The following ABLIM2 variants were observed in gnomAD, a reference collection of about 807,000 sequenced individuals.
The protein encoded by ABLIM2 is actin binding LIM protein family member 2.
ABLIM2 carries 53 observed loss-of-function variants against 97.7 expected under a neutral mutation model. The ratio of observed to expected loss-of-function variants is 0.54; its 90% CI spans 0.44 to 0.68. The LOEUF (loss-of-function observed/expected upper bound fraction) is 0.68. Ranked by LOEUF, ABLIM2 falls within the 30% of genes least tolerant of loss-of-function variation. ABLIM2 has a pLI of 0.00. For missense variants in ABLIM2, 835 were observed against 867.2 expected (o/e 0.96, Z 0.47); for synonymous variants, 361 against 345.8 (o/e 1.04, Z -0.49).
rs1014766610 is a variant in ABLIM2, at chr4:8,130,907, G to A, written c.11-24270C>T. Among the ~76,000 whole-genome samples the A allele has an allele frequency of 2.0e-5, 3 of 151,948 alleles. No individual in the cohort carries two copies. The highest frequency in any genetic ancestry group is 3.9e-4 in the East Asian group (2 of 5,168). On this transcript the variant is annotated intron_variant, in intron 1 of 20. Coordinates refer to ENST00000447017, the MANE Select transcript of ABLIM2 (RefSeq NM_001130083.2). The surrounding 1 kb of genome is among the most constrained non-coding windows in gnomAD (Gnocchi z 4.2). The stretch of plus-strand genomic sequence containing the variant: ...GGCCTGCATTTCCTGACTTGTGGAC[G>A]GCAAGGTGGCCCCAGGGCTGAGCTC...
chr4:8,008,691 A>T (rs973536748), intron 15 of ABLIM2, among the ~76,000 whole-genome samples: 1 of 152,248 alleles, frequency 6.6e-6, no homozygotes, highest in East Asian at 1.9e-4. Context: ...GGTTCAGCCC[A>T]CAAAGCCAAA....
chr4:8,107,572 C>G (rs936027734), intron 1 of ABLIM2, among the ~76,000 whole-genome samples: 4 of 152,288 alleles, frequency 2.6e-5, no homozygotes, highest in African/African-American at 9.6e-5. Context: ...GCTGCCCGGA[C>G]AAGTGGAGGC....
chr4:8,058,717 C>T lies in ABLIM2; in HGVS notation c.763+2250G>A, dbSNP rs541377528. On this transcript the variant is annotated intron_variant, in intron 7 of 20. Coordinates refer to ENST00000447017, the MANE Select transcript of ABLIM2 (RefSeq NM_001130083.2). The surrounding 1 kb of genome is among the most constrained non-coding windows in gnomAD (Gnocchi z 4.2). ...ACCCTCTTCTCAATTAGGCCTCGAA[C>T]TTTGCCCAGGTCTCCACCATCACCC... Among the ~76,000 whole-genome samples the T allele has an allele frequency of 6.6e-5, 10 of 152,200 alleles. No individual in the cohort carries two copies. Among genetic ancestry groups the T allele is most frequent in the Non-Finnish European group, 1.5e-4 (10 of 68,030 alleles).
intron 2 of ABLIM2, among the ~76,000 whole-genome samples, chr4:8,102,766 CT>C (rs1221689066): frequency 6.6e-6 from 1 of 152,234 alleles, no homozygotes; most frequent in Non-Finnish European, 1.5e-5. Context: ...ATTGTCTTCC[CT>C]GCTAACAGAT....
intron 10 of ABLIM2, among the ~76,000 whole-genome samples, chr4:8,035,699 G>A (rs923928872): frequency 1.3e-5 from 2 of 152,232 alleles, no homozygotes; most frequent in African/African-American, 4.8e-5. Context: ...CAACCAGGTC[G>A]GTTACATTGG....
intron 2 of ABLIM2, among the ~76,000 whole-genome samples, chr4:8,099,444 C>T (rs938244587): frequency 1.2e-4 from 18 of 152,296 alleles, no homozygotes; most frequent in Admixed American, 5.2e-4. Context: ...AGTCCACTCC[C>T]GGGAGCACCA....
At chr4:8,078,022 C>T (rs1356081998) in intron 5 of ABLIM2, among the ~76,000 whole-genome samples, 1 of 152,208 alleles carries the variant, frequency 6.6e-6, no homozygotes, top group African/African-American at 2.4e-5. Flanking sequence ...AGAGCTGCTT[C>T]TGTAGACCTG....
chr4:8,014,588 A>G (rs1560619858), intron 14 of ABLIM2, among the ~76,000 whole-genome samples: 3 of 152,222 alleles, frequency 2.0e-5, no homozygotes, highest in Non-Finnish European at 4.4e-5. Context: ...GCCGTGGGCA[A>G]ATCCGCTAGA....
In ABLIM2 at chr4:7,965,471, G is replaced by A. The variant is rs1196717350; in HGVS notation, c.*1519C>T. 1 of 152,616 alleles carries A rather than the reference G, an allele frequency of 6.6e-6. No individual in the cohort carries two copies. The highest frequency in any genetic ancestry group is 2.4e-5 in the African/African-American group (1 of 41,448). 9.5% of individuals were successfully genotyped at this position (152,616 alleles called of 1,614,324 possible). On this transcript the variant is annotated 3_prime_UTR_variant, in exon 21 of 21. Transcript: ENST00000447017. Reference sequence around the variant, plus strand: ...AGGTGCTAAAAACTCCCCCTCCCTAGCCGAGCTGGGCGGGTGAGAAGCCGA... The same window carrying A: ...AGGTGCTAAAAACTCCCCCTCCCTAACCGAGCTGGGCGGGTGAGAAGCCGA...
At position 8,003,409 on chromosome 4, in the gene ABLIM2, G is replaced by C. The variant is rs567544902; in HGVS notation, c.1618+4650C>G. ...GTGTGTGGATACTGGAGGGTGTGTG[G>C]GTACTGAGGTTCGCTTTCTACCCAA... On this transcript the variant is annotated intron_variant, in intron 16 of 20. Coordinates refer to ENST00000447017, the MANE Select transcript of ABLIM2 (RefSeq NM_001130083.2). This position sits in a 1 kb window ranked among gnomAD's most constrained non-coding sequence, Gnocchi z 4.2. Among the ~76,000 whole-genome samples the C allele has an allele frequency of 2.0e-5, 3 of 152,188 alleles. No individual in the cohort carries two copies. Among genetic ancestry groups the C allele is most frequent in the African/African-American group, 7.2e-5 (3 of 41,528 alleles).
Position 7,991,553 on chromosome 4 carries a change from C to A in ABLIM2, c.1680+1313G>T, listed in dbSNP as rs1442803596. 2.6e-5 allele frequency among the ~76,000 whole-genome samples: 4 copies of A among 152,322 alleles called. No homozygotes were observed. The East Asian group carries it at 7.7e-4, about 29-fold the overall frequency. ...GCACGTCTTTTGGTGTCGTAGGAGT[C>A]CTGTGGACATTGGTCCAGCTCTCTT... On this transcript the variant is annotated intron_variant, in intron 17 of 20. Coordinates refer to ENST00000447017, the MANE Select transcript of ABLIM2 (RefSeq NM_001130083.2).
rs928511527 is a variant in ABLIM2 at position 8,015,068 on chromosome 4, C to T, written c.1423+4550G>A. On this transcript the variant is annotated intron_variant, in intron 14 of 20. Coordinates refer to ENST00000447017, the MANE Select transcript of ABLIM2 (RefSeq NM_001130083.2). This position sits in a 1 kb window ranked among gnomAD's most constrained non-coding sequence, Gnocchi z 4.6. ...CCCGAGTAGCTGGGATTACAGGCGC[C>T]GGCCACCACACTTGGCTAATTTTTA... is the stretch of plus-strand genomic sequence containing the variant. 5.3e-5 allele frequency among the ~76,000 whole-genome samples: 8 copies of T among 151,982 alleles called. No homozygotes were observed. The highest frequency in any genetic ancestry group is 1.3e-4 in the Admixed American group (2 of 15,260).
At chr4:8,063,393 T>A (rs1038777690) in intron 6 of ABLIM2, among the ~76,000 whole-genome samples, 1 of 152,256 alleles carries the variant, frequency 6.6e-6, no homozygotes, top group African/African-American at 2.4e-5. Flanking sequence ...GACGATGGGC[T>A]TGAGCCCTCC....
chr4:8,010,682 G>T, intron 14 of ABLIM2: 4 of 777,076 alleles, frequency 5.1e-6, no homozygotes, highest in Non-Finnish European at 6.3e-6. Flanking sequence ...AAAATACAAA[G>T]CCCTGCTCTC....
At chr4:8,070,911 C>A (rs984169658) in intron 6 of ABLIM2, among the ~76,000 whole-genome samples, 1 of 152,122 alleles carries the variant, frequency 6.6e-6, no homozygotes, top group African/African-American at 2.4e-5. Flanking sequence ...CGAGGCACAC[C>A]GGTCCAGACC....
intron 8 of ABLIM2, among the ~76,000 whole-genome samples, chr4:8,053,580 A>T (rs1424187507): frequency 6.6e-6 from 1 of 152,186 alleles, no homozygotes; most frequent in African/African-American, 2.4e-5. Context: ...TTTCACAGCC[A>T]TTGGAGTTCA....
chr4:8,091,793 A>G (rs1242024969), intron 3 of ABLIM2, among the ~76,000 whole-genome samples: 1 of 86,976 alleles, frequency 1.1e-5, no homozygotes, highest in African/African-American at 5.1e-5. Context: ...TAATAATTAT[A>G]GAATTAATAT....
chr4:8,026,408 T>C (rs531850929), intron 12 of ABLIM2, among the ~76,000 whole-genome samples: 3 of 152,214 alleles, frequency 2.0e-5, no homozygotes, highest in Non-Finnish European at 4.4e-5. Context: ...GAACTCTCAG[T>C]AGGCCACGGG....
At chr4:8,151,848 G>A (rs1461663378) in intron 1 of ABLIM2, among the ~76,000 whole-genome samples, 2 of 147,578 alleles carry the variant, frequency 1.4e-5, no homozygotes, top group Non-Finnish European at 3.0e-5. Context: ...GGGATTGCAG[G>A]ACTTGGGGTG....
Sources: allele counts gnomAD v4.1 joint callset (sites outside exome capture counted in the v4.1 genomes callset), GRCh38; gene constraint gnomAD v4.1.1; non-coding constraint Gnocchi (gnomAD v3.1); transcripts MANE v1.5; gene names NCBI Gene and HGNC (gene_info 2026-07-23, HGNC 2026-07-21).